Variants in TMEM117 observed in about 807,000 individuals in gnomAD.
TMEM117 encodes transmembrane protein 117.
In TMEM117, 27 loss-of-function variants were observed where a neutral mutation model predicts 52.4. The ratio of observed to expected loss-of-function variants is 0.51; its 90% CI spans 0.38 to 0.71. The LOEUF is 0.71. Among genes scored for constraint, TMEM117 ranks in the 30% least tolerant of loss-of-function variants. The pLI, the probability that TMEM117 is intolerant of heterozygous loss-of-function variation, is 0.00. For synonymous variants in TMEM117, 215 were observed against 206.3 expected, an observed-to-expected ratio of 1.04 and a Z score of -0.36; for missense variants, 556 against 630.5, an observed-to-expected ratio of 0.88 and a Z score of 1.26.
intron 2 of TMEM117, among the ~76,000 whole-genome samples, chr12:43,906,442 G>A (rs1944388883): frequency 6.9e-6 from 1 of 144,820 alleles, no homozygotes; most frequent in African/African-American, 2.5e-5. Context: ...CAGCCTGGGT[G>A]AGGGAGTGAG....
intron 4 of TMEM117, among the ~76,000 whole-genome samples, chr12:44,191,271 C>T (rs933144496): frequency 1.3e-5 from 2 of 152,018 alleles, no homozygotes; most frequent in African/African-American, 4.8e-5. Flanking sequence ...TCTAACTGGT[C>T]CCTCCCATGG....
At chr12:44,194,290 A>G (rs1163903786) in intron 4 of TMEM117, among the ~76,000 whole-genome samples, 1 of 152,210 alleles carries the variant, frequency 6.6e-6, no homozygotes, top group Non-Finnish European at 1.5e-5. Context: ...AGCAAGTGTT[A>G]ATAAAAGTCA....
chr12:44,368,777 G>A (rs1017898122), intron 6 of TMEM117, among the ~76,000 whole-genome samples: 4 of 152,136 alleles, frequency 2.6e-5, no homozygotes, highest in African/African-American at 9.6e-5. Flanking sequence ...TGTAGCCAGA[G>A]CCTGAACAAG....
intron 3 of TMEM117, among the ~76,000 whole-genome samples, chr12:43,992,233 G>T (rs1005713460): frequency 6.6e-6 from 1 of 151,382 alleles, no homozygotes; most frequent in African/African-American, 2.4e-5. Flanking sequence ...TGCTCTCCAT[G>T]TACTTCCGAA....
intron 3 of TMEM117, among the ~76,000 whole-genome samples, chr12:43,946,625 A>G (rs1258970233): frequency 1.3e-5 from 2 of 152,148 alleles, no homozygotes; most frequent in South Asian, 2.1e-4. Context: ...AGGAGTTATT[A>G]CCTCCATTTT....
At chr12:44,206,956 C>T (rs887454320) in intron 4 of TMEM117, among the ~76,000 whole-genome samples, 3 of 152,100 alleles carry the variant, frequency 2.0e-5, no homozygotes, top group African/African-American at 7.2e-5. Flanking sequence ...CATGTACTCC[C>T]TGAACTGAAA....
At chr12:43,825,654 A>C in the TMEM117 span, among the ~76,000 whole-genome samples, 1 of 152,138 alleles carries the variant, frequency 6.6e-6, no homozygotes, top group African/African-American at 2.4e-5. Flanking sequence ...TACTATTCAA[A>C]TATAGGAAGA....
intron 6 of TMEM117, among the ~76,000 whole-genome samples, chr12:44,352,573 G>A (rs370225525): frequency 6.6e-6 from 1 of 151,996 alleles, no homozygotes; most frequent in Non-Finnish European, 1.5e-5. Flanking sequence ...GCGATAGTTT[G>A]CTGTGAATGA....
At chr12:43,985,446 AT>A (rs563805938) in intron 3 of TMEM117, among the ~76,000 whole-genome samples, 1 of 152,184 alleles carries the variant, frequency 6.6e-6, no homozygotes, top group Non-Finnish European at 1.5e-5. Flanking sequence ...GTTATTTATC[AT>A]TGTATATTTT....
chr12:44,174,502 TA>T (rs1316095299), intron 4 of TMEM117, among the ~76,000 whole-genome samples: 1 of 152,216 alleles, frequency 6.6e-6, no homozygotes, highest in African/African-American at 2.4e-5. Flanking sequence ...TGTTTTAATA[TA>T]TAACATGATG....
Position 44,373,736 on chromosome 12 carries a change from T to C in TMEM117, c.769-2859T>C, listed in dbSNP as rs922606435. Among the ~76,000 whole-genome samples the C allele has an allele frequency of 6.1e-5, 9 of 147,118 alleles. No individual in the cohort carries two copies. The South Asian group carries it at 1.8e-3, about 29-fold the overall frequency. On this transcript the variant is annotated intron_variant, in intron 6 of 7. Transcript: ENST00000266534. ...CTCTCTGCTTTCTACCTCCTTTAAA[T>C]ACCTGAGGTTTCACCAGCCTAGGAT...
intron 4 of TMEM117, among the ~76,000 whole-genome samples, chr12:44,180,575 T>TTCCC (rs1485720074): frequency 2.1e-5 from 3 of 141,056 alleles, no homozygotes; most frequent in Non-Finnish European, 4.5e-5. Context: ...CATTGTTCAA[T>TTCCC]TCCCACCTAT....
At chr12:44,065,259 A>T (rs1326090803) in intron 3 of TMEM117, among the ~76,000 whole-genome samples, 1 of 152,030 alleles carries the variant, frequency 6.6e-6, no homozygotes, top group Non-Finnish European at 1.5e-5. Context: ...GGCACCTGTA[A>T]TCCCAGCTGA....
At chr12:44,373,799 T>TTTTTTTTG (rs1951899352) in intron 6 of TMEM117, among the ~76,000 whole-genome samples, 1 of 98,816 alleles carries the variant, frequency 1.0e-5, no homozygotes, top group African/African-American at 3.7e-5. Context: ...TTTTTTTTTT[T>TTTTTTTTG]GAGATGGAGT....
Position 44,389,586 on chromosome 12 carries a change from A to G in TMEM117, c.*914A>G, listed in dbSNP as rs1053251555. On this transcript the variant is annotated 3_prime_UTR_variant, in exon 8 of 8. Coordinates refer to ENST00000266534, the MANE Select transcript of TMEM117 (RefSeq NM_032256.3). ...CTCTGGATAGTGAAAATTGAAAAAC[A>G]TATGCCAACCCTGAGCAAGGGAACT... The G allele has an allele frequency of 2.6e-5, 4 of 152,572 alleles. No individual in the cohort carries two copies. Among genetic ancestry groups the G allele is most frequent in the African/African-American group, 9.7e-5 (4 of 41,450 alleles). The allele number at this position is 152,572 out of a possible 1,614,324, so 9.5% of individuals were successfully genotyped here.
chr12:44,195,366 C>T (rs182288189), intron 4 of TMEM117, among the ~76,000 whole-genome samples: 4 of 152,262 alleles, frequency 2.6e-5, no homozygotes, highest in Non-Finnish European at 4.4e-5. Flanking sequence ...CTTCCAATAT[C>T]GCTGACTTCT....
chr12:43,977,918 A>G (rs1281857083), intron 3 of TMEM117, among the ~76,000 whole-genome samples: 1 of 152,222 alleles, frequency 6.6e-6, no homozygotes, highest in Non-Finnish European at 1.5e-5. Context: ...ATAGGTGTCA[A>G]TGGATACATG....
Position 44,350,936 on chromosome 12 carries a change from C to T in TMEM117, c.769-25659C>T, listed in dbSNP as rs531618061. Among the ~76,000 whole-genome samples the T allele has an allele frequency of 3.4e-4, 52 of 152,146 alleles. 1 individual carries two copies. The highest frequency in any genetic ancestry group is 3.4e-3 in the Middle Eastern group (1 of 294). On this transcript the variant is annotated intron_variant, in intron 6 of 7. Transcript: ENST00000266534. ...TCTATTCTTAGATTTTGAGGAACCT[C>T]CAAACTGTTCTCCATAGTGGTTGTA...
At chr12:43,818,061 G>A in the TMEM117 span, among the ~76,000 whole-genome samples, 282 of 152,246 alleles carry the variant, frequency 1.9e-3, no homozygotes, top group Middle Eastern at 6.8e-3. Flanking sequence ...ACTTTTCAAG[G>A]ATGCCTCTCT....
Sources: gnomAD v4.1 joint callset for allele counts (sites outside exome capture counted in the v4.1 genomes callset) on GRCh38, gnomAD v4.1.1 for gene constraint, MANE v1.5 for transcripts, NCBI Gene and HGNC (gene_info 2026-07-23, HGNC 2026-07-21) for gene names.